The following ZNF519 variants were observed in gnomAD, a reference collection of about 807,000 sequenced individuals.
The protein encoded by ZNF519 is similar to Zinc finger protein 85 (Zinc finger protein HPF4) (HTF1).
ZNF519 carries 7 observed loss-of-function variants against 7.4 expected under a neutral mutation model. That is an observed-to-expected ratio of 0.94 (90% CI 0.54 to 1.77). The LOEUF is 1.77. Among genes scored for constraint, ZNF519 ranks in the 40% most tolerant of loss-of-function variants. The pLI is 0.00. For missense variants in ZNF519, 586 were observed against 623.1 expected (o/e 0.94, Z 0.63); for synonymous variants, 179 against 203.3 (o/e 0.88, Z 1.02).
rs532361810 is a variant in ZNF519 at position 14,105,217 on chromosome 18, A to G, written c.1323T>C (p.Phe441=). The G allele has an allele frequency of 5.7e-6, 9 of 1,571,598 alleles. No individual in the cohort carries two copies. The African/African-American group carries it at 1.1e-4, about 19-fold the overall frequency. Residue 441 remains phenylalanine, a synonymous_variant, in exon 3 of 3, where the codon TTT becomes TTC. Coordinates refer to ENST00000590202, the MANE Select transcript of ZNF519 (RefSeq NM_145287.4). ...HFKCKECGKA[F]NRGSHLTRHQ... ...GTCGAGTAAGGTGTGAGCCCCTGTT[A>G]AAGGCTTTGCCACATTCTTTACATT...
At chr18:14,088,238 A>G (rs914283802) in intron 2 of ZNF519, among the ~76,000 whole-genome samples, 2 of 152,210 alleles carry the variant, frequency 1.3e-5, no homozygotes, top group African/African-American at 4.8e-5. Flanking sequence ...TTTTCAGGAA[A>G]ATCAGAAGAG....
intron 2 of ZNF519, among the ~76,000 whole-genome samples, chr18:14,089,489 T>A (rs1369182742): frequency 6.6e-6 from 1 of 152,168 alleles, no homozygotes; most frequent in Non-Finnish European, 1.5e-5. Context: ...AAATGGGCAT[T>A]TCTTGAGTAA....
chr18:14,097,140 C>G (rs2046140126), downstream of ZNF519, among the ~76,000 whole-genome samples: 1 of 152,086 alleles, frequency 6.6e-6, no homozygotes, highest in Non-Finnish European at 1.5e-5. Flanking sequence ...TTCCTTTTGG[C>G]TACAAATTAG....
intron 1 of ZNF519, among the ~76,000 whole-genome samples, chr18:14,131,230 G>A (rs2046328353): frequency 6.6e-6 from 1 of 152,212 alleles, no homozygotes; most frequent in Non-Finnish European, 1.5e-5. Flanking sequence ...TTGAGTGCCA[G>A]GGGATTATTT....
rs778816011 is a variant in ZNF519 at position 14,106,105 on chromosome 18, ATATT to A, written c.431_434del (p.Lys144IlefsTer6). On this transcript the variant is annotated frameshift_variant, in exon 3 of 3. Transcript: ENST00000590202. LOFTEE classifies it low-confidence loss of function (END_TRUNC). ...AGACAGATTTCAAAAATTTATGTTG[ATATT>A]TATTCATAGGAATACATGGTTCTGT... 6.2e-7 allele frequency: 1 copy of A among 1,606,932 alleles called. No individual in the cohort carries two copies. The highest frequency in any genetic ancestry group is 1.3e-5 in the African/African-American group (1 of 74,464).
At chr18:14,117,668 TAG>T (rs1476793017) in intron 2 of ZNF519, among the ~76,000 whole-genome samples, 2 of 152,144 alleles carry the variant, frequency 1.3e-5, no homozygotes, top group African/African-American at 4.8e-5. Context: ...ACAGGAAGCA[TAG>T]CAGCTTCTGC....
chr18:14,110,620 A>C (rs1193180150), intron 2 of ZNF519, among the ~76,000 whole-genome samples: 5 of 152,220 alleles, frequency 3.3e-5, no homozygotes, highest in African/African-American at 9.7e-5. Context: ...AATACAAATG[A>C]AAACCACAAT....
chr18:14,112,132 T>A (rs2046224184), intron 2 of ZNF519, among the ~76,000 whole-genome samples: 1 of 152,138 alleles, frequency 6.6e-6, no homozygotes, highest in Non-Finnish European at 1.5e-5. Context: ...TTATACCTCA[T>A]GATCAAGTAG....
intron 2 of ZNF519, among the ~76,000 whole-genome samples, chr18:14,108,603 G>A (rs2046205662): frequency 6.6e-6 from 1 of 151,276 alleles, no homozygotes. Context: ...GACATAGAGT[G>A]GCTAAATGGA....
chr18:14,124,660 T>C (rs949594678), intron 1 of ZNF519, among the ~76,000 whole-genome samples, 184 bp from the exon 2 acceptor site: 2 of 152,126 alleles, frequency 1.3e-5, no homozygotes, highest in Non-Finnish European at 2.9e-5. Context: ...CAATTTCTGC[T>C]GCTGCAATGG....
At chr18:14,111,072 A>T (rs2046218088) in intron 2 of ZNF519, among the ~76,000 whole-genome samples, 1 of 152,034 alleles carries the variant, frequency 6.6e-6, no homozygotes, top group Non-Finnish European at 1.5e-5. Flanking sequence ...AAACAAAGCC[A>T]AAATTAGAAG....
downstream of ZNF519, chr18:14,072,954 T>G (rs2046033557): frequency 6.6e-6 from 1 of 152,230 alleles, no homozygotes; most frequent in African/African-American, 2.4e-5. Context: ...TACAACTGCA[T>G]GAAATTTTCC....
chr18:14,076,077 C>T (rs2046046619), exon 5 of ZNF519: 1 of 151,946 alleles, frequency 6.6e-6, no homozygotes, highest in Non-Finnish European at 1.5e-5. Context: ...AGCTAAATAA[C>T]ATCTAAAGCC....
intron 1 of ZNF519, among the ~76,000 whole-genome samples, chr18:14,126,444 T>C (rs1044095750): frequency 2.0e-5 from 3 of 152,206 alleles, no homozygotes; most frequent in African/African-American, 7.2e-5. Context: ...CTTCTGTCCA[T>C]GAATAGACCT....
intron 2 of ZNF519, among the ~76,000 whole-genome samples, chr18:14,094,527 T>C (rs1199776788): frequency 6.6e-6 from 1 of 151,884 alleles, no homozygotes; most frequent in African/African-American, 2.4e-5. Flanking sequence ...CTACATCTAT[T>C]GAGATGATCA....
intron 2 of ZNF519, among the ~76,000 whole-genome samples, chr18:14,112,432 T>A (rs2869798): frequency 0.51 from 77,994 of 151,944 alleles, 20,395 homozygotes; most frequent in Non-Finnish European, 0.54. Flanking sequence ...ACCACTGTTA[T>A]TTCAACATAT....
rs1240932047 is a variant in ZNF519, at chr18:14,103,252, G to C, written c.*1665C>G. ...TTATAGAATTTTCCACTCAAAATTA[G>C]AAGTACACATAAATCATTCTCCAGG... On this transcript the variant is annotated 3_prime_UTR_variant, in exon 3 of 3. Transcript: ENST00000590202. The C allele has an allele frequency of 6.6e-6, 1 of 152,034 alleles. No homozygotes were observed. Among genetic ancestry groups the C allele is most frequent in the East Asian group, 1.9e-4 (1 of 5,192 alleles). 9.4% of individuals were successfully genotyped at this position (152,034 alleles called of 1,614,324 possible). A position where few individuals can be genotyped will look rare whatever the true frequency, so the allele number is the denominator to read the frequency against.
intron 2 of ZNF519, chr18:14,123,181 G>A (rs1216621125): frequency 2.4e-5 from 6 of 246,576 alleles, no homozygotes; most frequent in South Asian, 8.0e-5. Context: ...CCAGACAGGT[G>A]ACCAGGTCTG....
intron 2 of ZNF519, among the ~76,000 whole-genome samples, chr18:14,109,692 G>A (rs766347694): frequency 3.9e-5 from 6 of 151,960 alleles, no homozygotes; most frequent in Non-Finnish European, 7.4e-5. Context: ...GAAAACTTAG[G>A]ATATACAGTA....
Sources: gnomAD v4.1 joint callset for allele counts (sites outside exome capture counted in the v4.1 genomes callset) on GRCh38, gnomAD v4.1.1 for gene constraint, MANE v1.5 for transcripts, NCBI Gene and HGNC (gene_info 2026-07-23, HGNC 2026-07-21) for gene names.